BUD13: variants seen among roughly 807,000 people sequenced by gnomAD.
The protein encoded by BUD13 is BUD13 homolog.
In BUD13, 47 loss-of-function variants were observed where a neutral mutation model predicts 62.5. The ratio of observed to expected loss-of-function variants is 0.75; its 90% CI spans 0.60 to 0.96. BUD13 has a LOEUF of 0.96. Ranked by LOEUF, BUD13 falls within the 40% of genes least tolerant of loss-of-function variation. BUD13 has a pLI of 0.00. For missense variants in BUD13, 821 were observed against 790.9 expected, an observed-to-expected ratio of 1.04 and a Z score of -0.46; for synonymous variants, 293 against 280.1, an observed-to-expected ratio of 1.05 and a Z score of -0.46.
At chr11:116,771,873 G>A (rs920791337) in intron 1 of BUD13, among the ~76,000 whole-genome samples, 1 of 152,216 alleles carries the variant, frequency 6.6e-6, no homozygotes, top group Admixed American at 6.5e-5. Flanking sequence ...CTCTCTCGCA[G>A]TTCTGGAAGC....
chr11:116,766,110 T>C (rs1020722905), intron 2 of BUD13, among the ~76,000 whole-genome samples: 2 of 152,234 alleles, frequency 1.3e-5, no homozygotes, highest in African/African-American at 2.4e-5. Flanking sequence ...AAGTTCTTAG[T>C]TTTACTAGTA....
intron 1 of BUD13, 77 bp downstream of exon 1, chr11:116,772,745 C>G (rs1287167850): frequency 1.4e-6 from 2 of 1,423,116 alleles, no homozygotes; most frequent in East Asian, 2.8e-5. Flanking sequence ...AGGGAAGGAA[C>G]TGCCGGGCGG....
Position 116,763,037 on chromosome 11 carries a change from G to C in BUD13, c.552C>G (p.Ser184=), listed in dbSNP as rs1260662100. ...CCCTCCTTGGGGGTGAAGTGTCTGA[G>C]GAGTCATGACGGATCCTCCTGGGAG... ...TSPPRRIRHD[S]SDTSPPRRAR... is the part of the protein sequence containing the mutation. The change falls in exon 4 of 10, where the codon TCC becomes TCG. Residue 184 remains serine (S), a synonymous_variant. Transcript: ENST00000260210. 6 of 1,613,478 alleles carry C rather than the reference G, an allele frequency of 3.7e-6. No individual in the cohort carries two copies. The highest frequency in any genetic ancestry group is 5.1e-6 in the Non-Finnish European group (6 of 1,179,712).
intron 9 of BUD13, among the ~76,000 whole-genome samples, chr11:116,752,320 C>T (rs539296033): frequency 1.4e-4 from 22 of 152,000 alleles, no homozygotes; most frequent in African/African-American, 5.3e-4. Context: ...ATATCTGTTC[C>T]GGAAATATTC....
intron 7 of BUD13, 44 bp from the exon 8 acceptor site, chr11:116,757,994 T>G (rs750332548): frequency 6.2e-7 from 1 of 1,604,786 alleles, no homozygotes; most frequent in Non-Finnish European, 8.5e-7. Context: ...CTGTATGACA[T>G]TTCCACTTCT....
chr11:116,772,889 G>T lies in BUD13; in HGVS notation c.76C>A (p.Arg26=). 1 of 1,589,058 alleles carries T rather than the reference G, an allele frequency of 6.3e-7. No homozygotes were observed. The change falls in exon 1 of 10, where the codon CGG becomes AGG. Residue 26 remains arginine, a synonymous_variant. Coordinates refer to ENST00000260210, the MANE Select transcript of BUD13 (RefSeq NM_032725.4). The part of the protein sequence containing the change: ...YLSGADAGVD[R]GSESGRKRRK... ...CGCTTGCGACCGGACTCAGATCCCCGGTCGACGCCGGCATCTGCCCCGGAC... is the reference window on the plus strand; with the variant it reads ...CGCTTGCGACCGGACTCAGATCCCCTGTCGACGCCGGCATCTGCCCCGGAC...
intron 8 of BUD13, 138 bp downstream of exon 8, chr11:116,757,628 T>A: frequency 1.7e-6 from 2 of 1,147,940 alleles, no homozygotes; most frequent in Non-Finnish European, 2.5e-6. Context: ...GAAAGACCAA[T>A]TGAGTTGAAT....
At chr11:116,766,506 G>C (rs558345802) in intron 2 of BUD13, among the ~76,000 whole-genome samples, 2 of 152,284 alleles carry the variant, frequency 1.3e-5, no homozygotes, top group Non-Finnish European at 2.9e-5. Context: ...CACAGGTTTC[G>C]GGCAAGATGA....
At chr11:116,753,434 T>A (rs1441567679) in intron 9 of BUD13, among the ~76,000 whole-genome samples, 3 of 152,354 alleles carry the variant, frequency 2.0e-5, no homozygotes, top group African/African-American at 7.2e-5. Flanking sequence ...AGATTGTAGC[T>A]GCCGTCCACT....
Position 116,760,718 on chromosome 11 carries a change from C to T in BUD13, c.1254+17G>A, listed in dbSNP as rs775241181. ...GAGTCACACGAAAAGAAGGACATGG[C>T]TCCTGAAAATCCTGACCTTCTTTCC... On this transcript the variant is annotated intron_variant, in intron 5 of 9. Transcript: ENST00000260210. 6.2e-7 allele frequency: 1 copy of T among 1,612,802 alleles called. No individual in the cohort carries two copies. Among genetic ancestry groups the T allele is most frequent in the Admixed American group, 1.7e-5 (1 of 60,020 alleles).
intron 9 of BUD13, among the ~76,000 whole-genome samples, chr11:116,750,178 T>C (rs1940208680): frequency 1.3e-5 from 2 of 152,182 alleles, no homozygotes; most frequent in African/African-American, 2.4e-5. Flanking sequence ...CTAAAAATTA[T>C]GGATGGAGCC....
Position 116,769,273 on chromosome 11 carries a change from A to G in BUD13, c.237+856T>C, listed in dbSNP as rs533995878. On this transcript the variant is annotated intron_variant, in intron 2 of 9. Coordinates refer to ENST00000260210, the MANE Select transcript of BUD13 (RefSeq NM_032725.4). ...CTCCCAACAGAATACAAAGTATGCT[A>G]CCTCCCCGGGCTCTAATGGTACTTG... Among the ~76,000 whole-genome samples, 253 of 152,196 alleles carry G rather than the reference A, an allele frequency of 1.7e-3. No individual in the cohort carries two copies. In the Middle Eastern group the frequency reaches 0.017, roughly 10 times the overall value.
At position 116,748,349 on chromosome 11, in the gene BUD13, G is replaced by T; in HGVS notation, c.*133C>A. 6.9e-6 allele frequency: 5 copies of T among 723,460 alleles called. No homozygotes were observed. The highest frequency in any genetic ancestry group is 1.2e-5 in the Non-Finnish European group (5 of 421,816). 44.8% of individuals were successfully genotyped at this position (723,460 alleles called of 1,614,324 possible). ...CATCAGGTCTCGAATATTCTTCTGT[G>T]GTCAAAACTGGCATTCAACAAGTTG... On this transcript the variant is annotated 3_prime_UTR_variant, in exon 10 of 10. Transcript: ENST00000260210.
intron 1 of BUD13, among the ~76,000 whole-genome samples, 172 bp from the exon 2 acceptor site, chr11:116,770,394 C>G (rs1940605468): frequency 6.6e-6 from 1 of 152,368 alleles, no homozygotes; most frequent in Admixed American, 6.5e-5. Flanking sequence ...GAACACCTCC[C>G]TGGTCATCCT....
intron 2 of BUD13, 79 bp from the exon 3 acceptor site, chr11:116,765,525 C>A: frequency 1.7e-5 from 25 of 1,488,696 alleles, no homozygotes; most frequent in Non-Finnish European, 2.2e-5. Context: ...CCTGAAGTTA[C>A]AACCATTCCG....
At chr11:116,769,629 C>A (rs1228854610) in intron 2 of BUD13, among the ~76,000 whole-genome samples, 1 of 152,202 alleles carries the variant, frequency 6.6e-6, no homozygotes, top group Non-Finnish European at 1.5e-5. Context: ...ATGGACCCTC[C>A]ATAAAGAGAC....
chr11:116,758,440 T>A (rs1940371051), intron 6 of BUD13, 33 bp from the exon 7 acceptor site: 1 of 1,610,142 alleles, frequency 6.2e-7, no homozygotes, highest in Non-Finnish European at 8.5e-7. Flanking sequence ...AATATCAGGA[T>A]CAAAATCAGA....
Position 116,757,218 on chromosome 11 carries a change from CGAGG to C in BUD13, c.1690_1693del (p.Pro564AlafsTer68). On this transcript the variant is annotated frameshift_variant, in exon 9 of 10. Transcript: ENST00000260210. LOFTEE classifies it high-confidence loss of function. Reference sequence around the variant, plus strand: ...GGGAGGAGGTGCTGGACCACTGTAGCGAGGTCTCACTAATGAGAGGAGTAAGAAA... The same window carrying C: ...GGGAGGAGGTGCTGGACCACTGTAGCTCTCACTAATGAGAGGAGTAAGAAA... 6.2e-7 allele frequency: 1 copy of C among 1,613,884 alleles called. No homozygotes were observed. The highest frequency in any genetic ancestry group is 8.5e-7 in the Non-Finnish European group (1 of 1,179,870).
At chr11:116,758,230 T>C in intron 7 of BUD13, 39 bp downstream of exon 7, 1 of 1,609,386 alleles carries the variant, frequency 6.2e-7, no homozygotes, top group Non-Finnish European at 8.5e-7. Flanking sequence ...CTTGTTCCAG[T>C]CACTGCCATC....
Sources: allele counts gnomAD v4.1 joint callset (sites outside exome capture counted in the v4.1 genomes callset), GRCh38; gene constraint gnomAD v4.1.1; transcripts MANE v1.5; gene names NCBI Gene and HGNC (gene_info 2026-07-23, HGNC 2026-07-21).